IFT70A: variants seen among roughly 807,000 people sequenced by gnomAD.
IFT70A encodes the protein intraflagellar transport 70A.
chr2:177,617,095 G>C, the IFT70A span: 5 of 1,612,526 alleles, frequency 3.1e-6, no homozygotes, highest in African/African-American at 2.7e-5. Context: ...TTTCCGATTT[G>C]GGTCATCATA....
the IFT70A span, chr2:177,618,611 C>G: frequency 6.2e-7 from 1 of 1,608,406 alleles, no homozygotes; most frequent in Non-Finnish European, 8.5e-7. Flanking sequence ...AGCAGCTGCA[C>G]CGCCTCGGCG....
the IFT70A span, chr2:177,614,645 T>C: frequency 1.3e-5 from 2 of 152,226 alleles, no homozygotes; most frequent in Non-Finnish European, 2.9e-5. Flanking sequence ...AAGGTTGTTA[T>C]GCATCTTTTA....
chr2:177,615,624 A>C, the IFT70A span: 1 of 152,184 alleles, frequency 6.6e-6, no homozygotes, highest in Admixed American at 6.5e-5. Flanking sequence ...GAAAACATTA[A>C]TATAAAATAC....
chr2:177,614,442 C>T, the IFT70A span: 1 of 152,090 alleles, frequency 6.6e-6, no homozygotes, highest in African/African-American at 2.4e-5. Context: ...TATAAAAAAA[C>T]TTCACTCTAT....
the IFT70A span, chr2:177,614,457 C>G: frequency 6.6e-6 from 1 of 152,236 alleles, no homozygotes; most frequent in East Asian, 1.9e-4. Context: ...CTCTATTCTA[C>G]AACTTACATA....
the IFT70A span, chr2:177,618,243 C>T: frequency 4.3e-6 from 7 of 1,614,272 alleles, no homozygotes; most frequent in Non-Finnish European, 5.9e-6. Context: ...GGCCATCGGT[C>T]TCATTGTCGC....
chr2:177,617,609 G>A, the IFT70A span: 2 of 1,614,166 alleles, frequency 1.2e-6, no homozygotes. Flanking sequence ...CAAGTGATCA[G>A]GGCATCTAAG....
At chr2:177,617,861 C>A in the IFT70A span, 4 of 1,614,088 alleles carry the variant, frequency 2.5e-6, no homozygotes, top group Non-Finnish European at 2.5e-6. Flanking sequence ...TCTTCCTCTG[C>A]CCTGGGTGGC....
At chr2:177,616,384 C>A in the IFT70A span, 5 of 201,010 alleles carry the variant, frequency 2.5e-5, no homozygotes, top group Non-Finnish European at 4.0e-5. Context: ...CATGACATAC[C>A]CTTTTGACAG....
the IFT70A span, chr2:177,617,110 A>C: frequency 2.5e-6 from 4 of 1,611,210 alleles, no homozygotes; most frequent in African/African-American, 5.4e-5. Context: ...ATCATAAGAG[A>C]GCTGCTCTTC....
the IFT70A span, chr2:177,618,239 C>T: frequency 1.3e-5 from 21 of 1,614,116 alleles, no homozygotes; most frequent in African/African-American, 5.3e-5. Context: ...ACCTGGCCAT[C>T]GGTCTCATTG....
the IFT70A span, chr2:177,617,805 A>G: frequency 6.2e-7 from 1 of 1,614,162 alleles, no homozygotes. Context: ...TAGGCCTGGC[A>G]TCCATGTTCA....
the IFT70A span, chr2:177,618,328 C>T: frequency 6.2e-7 from 1 of 1,613,886 alleles, no homozygotes; most frequent in Admixed American, 1.7e-5. Context: ...ATCGCCCTCG[C>T]TATACTTGAT....
At chr2:177,616,707 C>T in the IFT70A span, 2 of 1,515,554 alleles carry the variant, frequency 1.3e-6, no homozygotes, top group Non-Finnish European at 1.8e-6. Context: ...GTCATAACTA[C>T]TTATTCCATC....
chr2:177,618,271 C>G, the IFT70A span: 2 of 1,614,246 alleles, frequency 1.2e-6, no homozygotes, highest in South Asian at 1.1e-5. Flanking sequence ...TTCTTCTCCC[C>G]CTTCCCCACT....
the IFT70A span, chr2:177,616,918 T>C: frequency 6.3e-7 from 1 of 1,597,616 alleles, no homozygotes; most frequent in Admixed American, 1.8e-5. Context: ...TGACATGTTT[T>C]CTAACAAGGA....
the IFT70A span, chr2:177,613,506 T>C: frequency 6.6e-6 from 1 of 152,182 alleles, no homozygotes; most frequent in African/African-American, 2.4e-5. Context: ...GTGTATGGTT[T>C]TGGAAAATTT....
chr2:177,617,610 G>A, the IFT70A span: 39 of 1,614,060 alleles, frequency 2.4e-5, no homozygotes, highest in South Asian at 2.5e-4. Context: ...AAGTGATCAG[G>A]GCATCTAAGA....
At chr2:177,617,866 G>T in the IFT70A span, 314,396 of 1,614,106 alleles carry the variant, frequency 0.19, 34,785 homozygotes, top group Non-Finnish European at 0.23. Flanking sequence ...CTCTGCCCTG[G>T]GTGGCATGTC....
Sources: allele counts gnomAD v4.1 joint callset, GRCh38; gene constraint gnomAD v4.1.1; transcripts MANE v1.5; gene names NCBI Gene and HGNC (gene_info 2026-07-23, HGNC 2026-07-21).